EML4: variants seen among roughly 807,000 people sequenced by gnomAD.
EML4 encodes echinoderm microtubule-associated protein-like 4.
EML4 carries 72 observed loss-of-function variants against 129.0 expected under a neutral mutation model. That is an observed-to-expected ratio of 0.56 (90% CI 0.46 to 0.68). The LOEUF (loss-of-function observed/expected upper bound fraction) is 0.68. Ranked by LOEUF, EML4 falls within the 30% of genes least tolerant of loss-of-function variation. The pLI is 0.00. For missense variants in EML4, 1,363 were observed against 1,190.6 expected (o/e 1.14, Z -2.13); for synonymous variants, 532 against 405.0 (o/e 1.31, Z -3.77).
chr2:42,208,633 C>T (rs560030212), intron 1 of EML4, among the ~76,000 whole-genome samples: 1 of 152,038 alleles, frequency 6.6e-6, no homozygotes, highest in East Asian at 1.9e-4. Context: ...CGGGGTTTCA[C>T]CATCTTGGCC....
chr2:42,279,616 C>T (rs1022272307), intron 6 of EML4, among the ~76,000 whole-genome samples: 1 of 152,028 alleles, frequency 6.6e-6, no homozygotes, highest in African/African-American at 2.4e-5. Context: ...CGCCATCATG[C>T]CTGGCTAATT....
chr2:42,296,660 CTA>C (rs1260330702), intron 13 of EML4, among the ~76,000 whole-genome samples: 1 of 152,162 alleles, frequency 6.6e-6, no homozygotes, highest in Non-Finnish European at 1.5e-5. Context: ...TGTTTGAAAA[CTA>C]TTTGTCAAAC....
chr2:42,280,395 T>C (rs1045502921), intron 6 of EML4, among the ~76,000 whole-genome samples: 4 of 152,274 alleles, frequency 2.6e-5, no homozygotes, highest in African/African-American at 9.6e-5. Context: ...TGCTGTGTAA[T>C]GTAGTTGGCC....
intron 13 of EML4, among the ~76,000 whole-genome samples, chr2:42,299,295 C>T (rs1383249287): frequency 2.0e-5 from 3 of 152,070 alleles, no homozygotes; most frequent in Non-Finnish European, 4.4e-5. Context: ...GATACCAAAG[C>T]CTTAGAAATT....
At chr2:42,283,314 C>T (rs908929105) in intron 8 of EML4, among the ~76,000 whole-genome samples, 4 of 152,002 alleles carry the variant, frequency 2.6e-5, no homozygotes, top group African/African-American at 7.3e-5. Context: ...ATTGGTTACT[C>T]GATATTTATT....
intron 1 of EML4, among the ~76,000 whole-genome samples, chr2:42,219,801 C>G (rs113699723): frequency 0.11 from 17,308 of 151,792 alleles, 1,139 homozygotes; most frequent in Middle Eastern, 0.22. Flanking sequence ...GGGCGCATGT[C>G]TGTAATCCCA....
intron 1 of EML4, among the ~76,000 whole-genome samples, chr2:42,244,449 A>T (rs1675254169): frequency 6.6e-6 from 1 of 152,216 alleles, no homozygotes; most frequent in Admixed American, 6.5e-5. Context: ...CAAATACAGT[A>T]GTATAGTCTA....
At chr2:42,312,972 G>A (rs1669045179) in intron 17 of EML4, among the ~76,000 whole-genome samples, 1 of 133,790 alleles carries the variant, frequency 7.5e-6, no homozygotes, top group South Asian at 2.4e-4. Flanking sequence ...TTTTTGAGAT[G>A]GAGTCTCGCT....
chr2:42,198,670 T>C (rs887036083), intron 1 of EML4, among the ~76,000 whole-genome samples: 7 of 152,208 alleles, frequency 4.6e-5, no homozygotes, highest in African/African-American at 1.7e-4. Flanking sequence ...CTGAGAAGTA[T>C]GAGGTGGAGG....
At chr2:42,263,479 A>C (rs1163214949) in intron 5 of EML4, among the ~76,000 whole-genome samples, 173 bp downstream of exon 5, 1 of 128,210 alleles carries the variant, frequency 7.8e-6, no homozygotes, top group East Asian at 2.3e-4. Context: ...ATCTTGGCTC[A>C]CTGCAGCCTC....
chr2:42,297,446 T>C (rs935261038), intron 13 of EML4, among the ~76,000 whole-genome samples: 10 of 152,184 alleles, frequency 6.6e-5, no homozygotes, highest in African/African-American at 1.9e-4. Context: ...AATTTGTGGC[T>C]CAACCTCTCT....
chr2:42,183,497 G>A (rs142315619), intron 1 of EML4, among the ~76,000 whole-genome samples: 2 of 152,278 alleles, frequency 1.3e-5, no homozygotes, highest in East Asian at 3.9e-4. Context: ...AAAACAGGTA[G>A]TTACAACATT....
chr2:42,199,654 G>C (rs970304276), intron 1 of EML4, among the ~76,000 whole-genome samples: 1 of 152,122 alleles, frequency 6.6e-6, no homozygotes, highest in South Asian at 2.1e-4. Flanking sequence ...AGAGGCAAAA[G>C]GTAGACTGAG....
chr2:42,241,415 AAG>A (rs1323905391), intron 1 of EML4, among the ~76,000 whole-genome samples: 2 of 152,114 alleles, frequency 1.3e-5, no homozygotes, highest in African/African-American at 4.8e-5. Context: ...TTGAGAGTGA[AAG>A]AGGGGGCATT....
At chr2:42,255,660 A>C (rs1379680346) in intron 2 of EML4, among the ~76,000 whole-genome samples, 1 of 152,336 alleles carries the variant, frequency 6.6e-6, no homozygotes. Flanking sequence ...AAAATTTCTT[A>C]AGAGGTTTCA....
At position 42,330,005 on chromosome 2, in the gene EML4, G is replaced by A. The variant is rs549346320; in HGVS notation, c.2744G>A (p.Arg915Lys). Residue 915 changes from arginine to lysine, a missense_variant, in exon 23 of 23, where the codon AGA becomes AAA. Transcript: ENST00000318522. ...PLNETAEEES[R>K]ISSSPTLLEN... The stretch of plus-strand genomic sequence containing the variant: ...AATGAGACAGCTGAAGAGGAAAGTA[G>A]AATAAGCAGTTCTCCCACACTTCTG... 8.6e-5 allele frequency: 138 copies of A among 1,613,802 alleles called. 1 individual carries two copies. In the South Asian group the frequency reaches 1.4e-3, roughly 17 times the overall value.
intron 1 of EML4, among the ~76,000 whole-genome samples, chr2:42,225,840 A>C (rs903727595): frequency 1.3e-5 from 2 of 152,096 alleles, no homozygotes; most frequent in African/African-American, 4.8e-5. Flanking sequence ...TCAATTTTTC[A>C]GAAATTTAAA....
chr2:42,263,519 C>G (rs749608534), intron 5 of EML4, among the ~76,000 whole-genome samples: 1 of 149,306 alleles, frequency 6.7e-6, no homozygotes, highest in Non-Finnish European at 1.5e-5. Context: ...ATTCTCCTGC[C>G]TCGGCCTCCC....
intron 6 of EML4, among the ~76,000 whole-genome samples, chr2:42,278,747 A>G (rs1274232810): frequency 6.6e-6 from 1 of 152,058 alleles, no homozygotes; most frequent in Non-Finnish European, 1.5e-5. Context: ...CAGCCTGACC[A>G]ACATGGTGAA....
Sources: gnomAD v4.1 joint callset for allele counts (sites outside exome capture counted in the v4.1 genomes callset) on GRCh38, gnomAD v4.1.1 for gene constraint, MANE v1.5 for transcripts, NCBI Gene and HGNC (gene_info 2026-07-23, HGNC 2026-07-21) for gene names.